Variants in ADAM12 observed in about 807,000 individuals in gnomAD.
The protein encoded by ADAM12 is ADAM metallopeptidase domain 12.
A neutral mutation model predicts 106.4 loss-of-function variants in ADAM12; 70 were observed. That is an observed-to-expected ratio of 0.66 (90% CI 0.54 to 0.80). The LOEUF (loss-of-function observed/expected upper bound fraction) is 0.80, where lower values mean the gene tolerates loss of function less well. Among genes scored for constraint, ADAM12 ranks in the 30% least tolerant of loss-of-function variants. ADAM12 has a pLI of 0.00. For synonymous variants in ADAM12, 420 were observed against 433.5 expected, an observed-to-expected ratio of 0.97 and a Z score of 0.39; for missense variants, 1,010 against 1,171.9, an observed-to-expected ratio of 0.86 and a Z score of 2.02.
chr10:126,199,636 A>T (rs978569493), intron 3 of ADAM12, among the ~76,000 whole-genome samples: 1 of 152,210 alleles, frequency 6.6e-6, no homozygotes, highest in African/African-American at 2.4e-5. Context: ...AAACAAAACC[A>T]GGTTTTCATT....
chr10:126,119,653 A>G (rs1049200038), intron 5 of ADAM12, among the ~76,000 whole-genome samples: 2 of 152,248 alleles, frequency 1.3e-5, no homozygotes, highest in Non-Finnish European at 2.9e-5. Flanking sequence ...TGGGAAAGAA[A>G]GCATAGATTC....
intron 4 of ADAM12, among the ~76,000 whole-genome samples, chr10:126,139,383 T>C (rs1484849607): frequency 6.6e-6 from 1 of 152,248 alleles, no homozygotes; most frequent in East Asian, 1.9e-4. Flanking sequence ...CATATATTTA[T>C]TTTTAATGTA....
intron 1 of ADAM12, among the ~76,000 whole-genome samples, chr10:126,368,889 A>C (rs1037522770): frequency 7.2e-5 from 11 of 152,188 alleles, no homozygotes; most frequent in Non-Finnish European, 1.6e-4. Flanking sequence ...AGAGTTCTTC[A>C]TGCCCATCCT....
chr10:126,125,046 T>A (rs1195853952), intron 5 of ADAM12, among the ~76,000 whole-genome samples: 2 of 151,964 alleles, frequency 1.3e-5, no homozygotes, highest in African/African-American at 4.8e-5. Context: ...TCACACAGCA[T>A]TAAGTTCACT....
chr10:126,073,173 C>T (rs1047649711), intron 11 of ADAM12, among the ~76,000 whole-genome samples: 10 of 152,206 alleles, frequency 6.6e-5, no homozygotes, highest in African/African-American at 1.4e-4. Context: ...ACTGCAACCT[C>T]CGCCTCCCGG....
At chr10:126,151,853 T>TA (rs1394561066) in intron 4 of ADAM12, among the ~76,000 whole-genome samples, 3 of 151,970 alleles carry the variant, frequency 2.0e-5, no homozygotes, top group Non-Finnish European at 2.9e-5. Flanking sequence ...TCTTGTGATT[T>TA]AAAAAATCTC....
At chr10:126,365,529 G>A (rs1020571160) in intron 1 of ADAM12, among the ~76,000 whole-genome samples, 4 of 152,144 alleles carry the variant, frequency 2.6e-5, no homozygotes, top group South Asian at 2.1e-4. Flanking sequence ...TCACAGTTCC[G>A]TGTGGCTGGG....
chr10:126,093,074 G>C (rs1163529095), intron 11 of ADAM12, among the ~76,000 whole-genome samples: 2 of 152,196 alleles, frequency 1.3e-5, no homozygotes, highest in Non-Finnish European at 2.9e-5. Flanking sequence ...TCTTGCCCCA[G>C]TGTCTCCTTT....
intron 5 of ADAM12, among the ~76,000 whole-genome samples, chr10:126,128,508 C>T (rs1956242588): frequency 6.6e-6 from 1 of 152,242 alleles, no homozygotes; most frequent in South Asian, 2.1e-4. Context: ...ATCAGCACCC[C>T]ACAGAGTGGG....
intron 1 of ADAM12, among the ~76,000 whole-genome samples, chr10:126,362,814 G>A (rs1855785591): frequency 6.6e-6 from 1 of 152,110 alleles, no homozygotes; most frequent in Non-Finnish European, 1.5e-5. Flanking sequence ...TGGTTAAAGG[G>A]TACTAAGTTT....
At chr10:126,061,946 G>A (rs947892792) in intron 14 of ADAM12, among the ~76,000 whole-genome samples, 5 of 152,186 alleles carry the variant, frequency 3.3e-5, no homozygotes, top group African/African-American at 4.8e-5. Context: ...CGGAAACACC[G>A]ACAAGGGGAG....
chr10:126,035,198 A>ATGAGT (rs1037028529), intron 21 of ADAM12, among the ~76,000 whole-genome samples: 6 of 152,188 alleles, frequency 3.9e-5, no homozygotes, highest in Non-Finnish European at 1.5e-5. Context: ...GCAAATGTAT[A>ATGAGT]TGAGTTCTGA....
chr10:126,211,881 A>G (rs576013237), intron 3 of ADAM12, among the ~76,000 whole-genome samples: 1 of 152,282 alleles, frequency 6.6e-6, no homozygotes, highest in East Asian at 1.9e-4. Context: ...GTCGATAAAC[A>G]CCCTCTGTGC....
intron 1 of ADAM12, among the ~76,000 whole-genome samples, chr10:126,345,152 C>T (rs1481896074): frequency 1.3e-5 from 2 of 152,166 alleles, no homozygotes; most frequent in Non-Finnish European, 2.9e-5. Flanking sequence ...ATGATATTGG[C>T]TATGGGTTTG....
intron 11 of ADAM12, among the ~76,000 whole-genome samples, chr10:126,089,285 A>G (rs1389404286): frequency 6.6e-6 from 1 of 152,164 alleles, no homozygotes; most frequent in Non-Finnish European, 1.5e-5. Context: ...AGAAATCTCA[A>G]ACCAAAAGAA....
At position 126,108,486 on chromosome 10, in the gene ADAM12, G is replaced by C. The variant is rs1052089357; in HGVS notation, c.741+107C>G. On this transcript the variant is annotated intron_variant, in intron 8 of 22. Transcript: ENST00000448723. ...GGACAGGAAACAGTTCCAAACCAAG[G>C]CCCAGAGGCAGAACCTCATCTCCTT... The C allele has an allele frequency of 9.9e-6, 10 of 1,011,236 alleles. No individual in the cohort carries two copies. In the East Asian group the frequency reaches 2.5e-4, roughly 25 times the overall value. 62.6% of individuals were successfully genotyped at this position (1,011,236 alleles called of 1,614,324 possible).
intron 5 of ADAM12, among the ~76,000 whole-genome samples, chr10:126,125,079 G>T (rs538153130): frequency 2.4e-4 from 36 of 151,896 alleles, no homozygotes; most frequent in African/African-American, 7.7e-4. Context: ...GCAATCCAAT[G>T]GTTTCTAGCT....
At chr10:126,354,307 G>A (rs1855464422) in intron 1 of ADAM12, among the ~76,000 whole-genome samples, 1 of 152,086 alleles carries the variant, frequency 6.6e-6, no homozygotes, top group Non-Finnish European at 1.5e-5. Context: ...AATATATTTT[G>A]CAATAATGTT....
intron 3 of ADAM12, among the ~76,000 whole-genome samples, chr10:126,185,755 G>A (rs1007452885): frequency 2.6e-5 from 4 of 151,978 alleles, no homozygotes; most frequent in Non-Finnish European, 5.9e-5. Flanking sequence ...GAGCTACACC[G>A]GCCTGGGCAG....
Sources: allele counts gnomAD v4.1 joint callset (sites outside exome capture counted in the v4.1 genomes callset), GRCh38; gene constraint gnomAD v4.1.1; transcripts MANE v1.5; gene names NCBI Gene and HGNC (gene_info 2026-07-23, HGNC 2026-07-21).